FAM20C: variants seen among roughly 807,000 people sequenced by gnomAD.
FAM20C encodes FAM20C golgi associated secretory pathway kinase.
FAM20C carries 40 observed loss-of-function variants against 51.5 expected under a neutral mutation model. The observed-to-expected ratio is 0.78, with a 90% CI of 0.60 to 1.01. The LOEUF is 1.01. FAM20C is among the 50% of genes least tolerant of loss of function. The probability of loss-of-function intolerance (pLI) is 0.00; values close to 1 mark genes in which losing one functional copy is unlikely to be tolerated. For missense variants in FAM20C, 861 were observed against 844.7 expected, an observed-to-expected ratio of 1.02 and a Z score of -0.24; for synonymous variants, 406 against 380.6, an observed-to-expected ratio of 1.07 and a Z score of -0.78.
intron 3 of FAM20C, among the ~76,000 whole-genome samples, chr7:236,771 G>A (rs1486387036): frequency 6.7e-6 from 1 of 149,526 alleles, no homozygotes; most frequent in East Asian, 2.0e-4. Flanking sequence ...TCATGCGGAG[G>A]TGAGGCGGGT....
At position 248,408 on chromosome 7, in the gene FAM20C, G is replaced by C. The variant is rs867143631; in HGVS notation, c.1050G>C (p.Trp350Cys). 1 of 1,537,050 alleles carries C rather than the reference G, an allele frequency of 6.5e-7. No homozygotes were observed. Among genetic ancestry groups the C allele is most frequent in the Non-Finnish European group, 8.7e-7 (1 of 1,146,854 alleles). The change falls in exon 5 of 10, where the codon TGG (tryptophan) becomes TGC (cysteine). Residue 350 changes from tryptophan to cysteine, a missense_variant. Trp to Cys is a radical substitution (Grantham distance 215, BLOSUM62 -2). Coordinates refer to ENST00000313766, the MANE Select transcript of FAM20C (RefSeq NM_020223.4). ...IRDVTRDKKL[W>C]RTFFISPANN... Reference sequence around the variant, plus strand: ...ACGTCACACGGGACAAGAAGCTCTGGAGGACCTTCTTCATCTCTCCAGGTA... The same window carrying C: ...ACGTCACACGGGACAAGAAGCTCTGCAGGACCTTCTTCATCTCTCCAGGTA...
chr7:193,911 G>A (rs1480437580), intron 1 of FAM20C, 107 bp downstream of exon 1: 7 of 1,400,266 alleles, frequency 5.0e-6, no homozygotes, highest in Admixed American at 2.8e-5. Context: ...GAAGAGGCCG[G>A]GCAGGGAGTG....
chr7:258,038 GTGCTGGAGATAGGCAGT>G (rs1788684099), intron 8 of FAM20C, among the ~76,000 whole-genome samples: 1 of 115,006 alleles, frequency 8.7e-6, no homozygotes, highest in African/African-American at 3.1e-5. Context: ...CACTGCCCGG[GTGCTGGAGATAGGCAGT>G]GTGGACCCAC....
intron 5 of FAM20C, among the ~76,000 whole-genome samples, chr7:255,294 C>T (rs953530256): frequency 2.6e-5 from 4 of 152,208 alleles, no homozygotes; most frequent in Non-Finnish European, 1.5e-5. Context: ...GATGGTGCCT[C>T]ACCGTGGCTT....
intron 5 of FAM20C, among the ~76,000 whole-genome samples, chr7:254,734 C>G (rs145720356): frequency 0.011 from 1,605 of 152,314 alleles, 29 homozygotes; most frequent in African/African-American, 0.035. Context: ...AAAGGAGCCC[C>G]GTACCATGAG....
intron 3 of FAM20C, among the ~76,000 whole-genome samples, chr7:236,775 G>A (rs1260173406): frequency 1.4e-5 from 2 of 147,364 alleles, no homozygotes; most frequent in Non-Finnish European, 3.0e-5. Context: ...GCGGAGGTGA[G>A]GCGGGTGCCC....
rs1311773435 is a variant in FAM20C at position 193,145 on chromosome 7, G to C, written c.-55G>C. 38 of 1,407,618 alleles carry C rather than the reference G, an allele frequency of 2.7e-5. No homozygotes were observed. The highest frequency in any genetic ancestry group is 3.6e-5 in the Non-Finnish European group (38 of 1,070,372). The allele number at this position is 1,407,618 out of a possible 1,614,324, so 87.2% of individuals were successfully genotyped here. A position where few individuals can be genotyped will look rare whatever the true frequency, so the allele number is the denominator to read the frequency against. On this transcript the variant is annotated 5_prime_UTR_variant, in exon 1 of 10. Coordinates refer to ENST00000313766, the MANE Select transcript of FAM20C (RefSeq NM_020223.4). ...GGCGCCGCGCTCGTGCCCAGCTGCA[G>C]CTAGAGGGGCGCGCGGGCAGAACGC...
chr7:233,856 A>G (rs954259975), intron 3 of FAM20C, among the ~76,000 whole-genome samples: 2 of 152,224 alleles, frequency 1.3e-5, no homozygotes, highest in Non-Finnish European at 2.9e-5. Flanking sequence ...CTACTTTAGT[A>G]TGAATAACCA....
intron 2 of FAM20C, among the ~76,000 whole-genome samples, chr7:206,279 C>T (rs1346164166): frequency 1.3e-5 from 2 of 152,228 alleles, no homozygotes; most frequent in Non-Finnish European, 2.9e-5. Flanking sequence ...GCCGCAGCCC[C>T]AGCCTCTCCC....
At chr7:248,156 G>A (rs1227475117) in intron 4 of FAM20C, among the ~76,000 whole-genome samples, 159 bp from the exon 5 acceptor site, 1 of 144,616 alleles carries the variant, frequency 6.9e-6, no homozygotes, top group Non-Finnish European at 1.5e-5. Flanking sequence ...CAGAGCCACC[G>A]GACCTAGGGC....
At chr7:228,782 C>T (rs1032275846) in intron 3 of FAM20C, 22 of 456,126 alleles carry the variant, frequency 4.8e-5, no homozygotes, top group Admixed American at 7.0e-5. Flanking sequence ...ACGACTCTCA[C>T]GGCTCCTGCT....
intron 2 of FAM20C, among the ~76,000 whole-genome samples, chr7:204,245 C>T (rs916640410): frequency 6.6e-6 from 1 of 152,212 alleles, no homozygotes; most frequent in Non-Finnish European, 1.5e-5. Context: ...GGTGAGAAGC[C>T]GGGATGGAGC....
chr7:254,900 G>A (rs181616617), intron 5 of FAM20C, among the ~76,000 whole-genome samples: 22 of 151,866 alleles, frequency 1.4e-4, no homozygotes, highest in Non-Finnish European at 2.5e-4. Flanking sequence ...AGGGTTCTCG[G>A]GTTCAGTGAG....
intron 5 of FAM20C, among the ~76,000 whole-genome samples, chr7:252,037 G>C (rs1201093641): frequency 6.6e-6 from 1 of 152,238 alleles, no homozygotes; most frequent in African/African-American, 2.4e-5. Context: ...CTCTCAAGCA[G>C]CAGGGGCCCA....
intron 3 of FAM20C, among the ~76,000 whole-genome samples, chr7:224,299 A>ACAACCTGGGTT (rs1562381296): frequency 2.3e-4 from 11 of 48,482 alleles, no homozygotes; most frequent in East Asian, 1.4e-3. Flanking sequence ...ACGGAGCAGA[A>ACAACCTGGGTT]TGGCACCGTC....
intron 3 of FAM20C, among the ~76,000 whole-genome samples, chr7:243,054 C>T (rs1399764588): frequency 2.1e-5 from 3 of 144,502 alleles, no homozygotes; most frequent in South Asian, 4.5e-4. Flanking sequence ...ACCCAGGAGA[C>T]CTGTGCCACC....
intron 5 of FAM20C, among the ~76,000 whole-genome samples, chr7:249,525 G>C (rs560977820): frequency 4.6e-5 from 7 of 152,348 alleles, no homozygotes; most frequent in Non-Finnish European, 7.3e-5. Flanking sequence ...AGGATCACTT[G>C]ATTTCAGGAG....
At chr7:230,215 A>C (rs1385831910) in intron 3 of FAM20C, among the ~76,000 whole-genome samples, 13 of 152,046 alleles carry the variant, frequency 8.6e-5, no homozygotes, top group Admixed American at 7.9e-4. Flanking sequence ...GCAGAGGAGG[A>C]GGCCAAGGGA....
At chr7:208,134 CA>C (rs987984250) in intron 2 of FAM20C, among the ~76,000 whole-genome samples, 6 of 151,946 alleles carry the variant, frequency 3.9e-5, no homozygotes, top group African/African-American at 1.5e-4. Flanking sequence ...TAGGCAGGGG[CA>C]GGGGGGTGCG....
Sources: gnomAD v4.1 joint callset for allele counts (sites outside exome capture counted in the v4.1 genomes callset) on GRCh38, gnomAD v4.1.1 for gene constraint, MANE v1.5 for transcripts, NCBI Gene and HGNC (gene_info 2026-07-23, HGNC 2026-07-21) for gene names.